The following MYOCD variants were observed in gnomAD, a reference collection of about 807,000 sequenced individuals.
MYOCD encodes myocardin.
Under a neutral mutation model 96.1 loss-of-function variants are expected in MYOCD, and 32 were observed. The observed-to-expected ratio is 0.33, with a 90% CI of 0.25 to 0.45. The LOEUF (loss-of-function observed/expected upper bound fraction) is 0.45, where lower values mean the gene tolerates loss of function less well. Among genes scored for constraint, MYOCD ranks in the 20% least tolerant of loss-of-function variants. The pLI, the probability that MYOCD is intolerant of heterozygous loss-of-function variation, is 1.00. For missense variants in MYOCD, 1,133 were observed against 1,200.6 expected (o/e 0.94, Z 0.83); for synonymous variants, 469 against 469.0 (o/e 1.00, Z 0.00).
intron 5 of MYOCD, among the ~76,000 whole-genome samples, chr17:12,725,725 T>A (rs1274529648): frequency 6.6e-6 from 1 of 151,714 alleles, no homozygotes; most frequent in Non-Finnish European, 1.5e-5. Context: ...TGTCTTATAT[T>A]GATGATTACA....
chr17:12,731,213 G>A (rs1487652114), intron 5 of MYOCD, among the ~76,000 whole-genome samples: 1 of 152,228 alleles, frequency 6.6e-6, no homozygotes, highest in Non-Finnish European at 1.5e-5. Context: ...ACGGAGCCAG[G>A]AGACTTGGTC....
intron 1 of MYOCD, among the ~76,000 whole-genome samples, chr17:12,675,163 A>G (rs919524847): frequency 2.6e-5 from 4 of 152,224 alleles, no homozygotes; most frequent in Admixed American, 2.0e-4. Context: ...AGCGTTCAAG[A>G]AAATGCAAAG....
chr17:12,751,914 T>A (rs1567599157), intron 9 of MYOCD, among the ~76,000 whole-genome samples: 1 of 152,106 alleles, frequency 6.6e-6, no homozygotes, highest in Non-Finnish European at 1.5e-5. Flanking sequence ...AACCCCACAG[T>A]GGGGCCCTGC....
At chr17:12,705,081 G>A (rs375949571) in intron 1 of MYOCD, 47 bp from the exon 2 acceptor site, 73 of 1,141,890 alleles carry the variant, frequency 6.4e-5, no homozygotes, top group Non-Finnish European at 9.4e-5. Flanking sequence ...TATAATGATT[G>A]TAATGATATT....
chr17:12,672,358 A>G (rs1909754589), intron 1 of MYOCD, among the ~76,000 whole-genome samples: 1 of 152,208 alleles, frequency 6.6e-6, no homozygotes, highest in Admixed American at 6.5e-5. Flanking sequence ...TTAGCCCAAT[A>G]ATAGTTTTGC....
chr17:12,753,963 C>A (rs978799151), intron 10 of MYOCD, among the ~76,000 whole-genome samples: 12 of 152,116 alleles, frequency 7.9e-5, no homozygotes, highest in African/African-American at 2.4e-4. Flanking sequence ...TTTCTATTCT[C>A]ATGGGAACAG....
At chr17:12,742,894 T>G (rs2032554945) in intron 7 of MYOCD, among the ~76,000 whole-genome samples, 1 of 152,160 alleles carries the variant, frequency 6.6e-6, no homozygotes, top group Non-Finnish European at 1.5e-5. Flanking sequence ...TTTTTTAACC[T>G]GATAACAGGA....
intron 1 of MYOCD, among the ~76,000 whole-genome samples, chr17:12,678,795 A>G (rs1910265099): frequency 6.6e-6 from 1 of 152,056 alleles, no homozygotes; most frequent in South Asian, 2.1e-4. Flanking sequence ...TTCCGAGTTC[A>G]TGGCATTCTC....
intron 2 of MYOCD, among the ~76,000 whole-genome samples, chr17:12,714,362 C>CACACA (rs1597772908): frequency 4.1e-5 from 6 of 147,630 alleles, no homozygotes; most frequent in South Asian, 2.2e-4. Context: ...CACACACACA[C>CACACA]CCCGATCTGG....
chr17:12,712,581 C>G (rs1040391806), intron 2 of MYOCD, among the ~76,000 whole-genome samples: 1 of 152,144 alleles, frequency 6.6e-6, no homozygotes, highest in African/African-American at 2.4e-5. Context: ...GATCTTTTTT[C>G]TAAGTTCTAA....
intron 1 of MYOCD, among the ~76,000 whole-genome samples, chr17:12,701,593 T>C (rs2031077464): frequency 6.6e-6 from 1 of 152,122 alleles, no homozygotes; most frequent in South Asian, 2.1e-4. Context: ...TGAGCATACT[T>C]CTTTTTTATC....
At chr17:12,670,786 T>C (rs532953610) in intron 1 of MYOCD, among the ~76,000 whole-genome samples, 1 of 152,384 alleles carries the variant, frequency 6.6e-6, no homozygotes, top group Non-Finnish European at 1.5e-5. Flanking sequence ...AATATTTTTG[T>C]AAATGCTTGA....
intron 1 of MYOCD, among the ~76,000 whole-genome samples, chr17:12,694,771 C>G (rs773140617): frequency 6.7e-6 from 1 of 150,088 alleles, no homozygotes; most frequent in Non-Finnish European, 1.5e-5. Context: ...ATATCAAAGA[C>G]GTGGCCAAAA....
At chr17:12,709,530 T>G (rs551570730) in intron 2 of MYOCD, among the ~76,000 whole-genome samples, 13 of 152,260 alleles carry the variant, frequency 8.5e-5, no homozygotes, top group African/African-American at 3.1e-4. Flanking sequence ...GTTGTGAAAT[T>G]CACATTTTCA....
At position 12,702,339 on chromosome 17, in the gene MYOCD, T is replaced by A. The variant is rs150886851; in HGVS notation, c.56-2789T>A. Among the ~76,000 whole-genome samples, 793 of 152,154 alleles carry A rather than the reference T, an allele frequency of 5.2e-3. 11 individuals are homozygous for A. Among genetic ancestry groups the A allele is most frequent in the African/African-American group, 0.018 (738 of 41,568 alleles). The stretch of plus-strand genomic sequence containing the variant: ...CAAAATAGACTTGATGTCTATTTTA[T>A]GTGATATTAATATAGTTATTTCAGC... On this transcript the variant is annotated intron_variant, in intron 1 of 13. Coordinates refer to ENST00000425538, the MANE Select transcript of MYOCD (RefSeq NM_001146312.3).
At chr17:12,750,547 G>A (rs1025121762) in intron 9 of MYOCD, among the ~76,000 whole-genome samples, 8 of 151,976 alleles carry the variant, frequency 5.3e-5, no homozygotes, top group African/African-American at 4.8e-5. Flanking sequence ...AAATTAGCCC[G>A]GTGTGGTGGT....
intron 5 of MYOCD, among the ~76,000 whole-genome samples, chr17:12,730,307 G>A (rs2032131582): frequency 6.6e-6 from 1 of 152,104 alleles, no homozygotes; most frequent in Non-Finnish European, 1.5e-5. Flanking sequence ...AATTAGCTGG[G>A]CATGGTGACA....
In MYOCD at chr17:12,735,182, A is replaced by G. The variant is rs116527644; in HGVS notation, c.416-979A>G. Reference sequence around the variant, plus strand: ...AAGGCAAGAGTCAAAAGTTCTTGTCAGTGTGATTGCAGAATATCAGACTGG... The same window carrying G: ...AAGGCAAGAGTCAAAAGTTCTTGTCGGTGTGATTGCAGAATATCAGACTGG... On this transcript the variant is annotated intron_variant, in intron 5 of 13. Transcript: ENST00000425538. 3.5e-3 allele frequency among the ~76,000 whole-genome samples: 528 copies of G among 152,346 alleles called. 6 individuals are homozygous for G. Among genetic ancestry groups the G allele is most frequent in the African/African-American group, 0.012 (513 of 41,578 alleles).
At position 12,691,504 on chromosome 17, in the gene MYOCD, C is replaced by T. The variant is rs182338304; in HGVS notation, c.56-13624C>T. On this transcript the variant is annotated intron_variant, in intron 1 of 13. Transcript: ENST00000425538. ...CTGCCTGTTGGCTTCAGAAAGAAAA[C>T]GGTACCCTACCTGACTGTTGCCATG... 1.9e-4 allele frequency among the ~76,000 whole-genome samples: 29 copies of T among 152,162 alleles called. No homozygotes were observed. The East Asian group carries it at 3.7e-3, about 19-fold the overall frequency.
Sources: allele counts gnomAD v4.1 joint callset (sites outside exome capture counted in the v4.1 genomes callset), GRCh38; gene constraint gnomAD v4.1.1; transcripts MANE v1.5; gene names NCBI Gene and HGNC (gene_info 2026-07-23, HGNC 2026-07-21).